Variants in TDRD3 observed in about 807,000 individuals in gnomAD.
TDRD3 encodes tudor domain-containing protein 3.
In TDRD3, 45 loss-of-function variants were observed where a neutral mutation model predicts 86.7. The observed-to-expected ratio is 0.52, with a 90% CI of 0.41 to 0.67. The LOEUF (loss-of-function observed/expected upper bound fraction) is 0.67, where lower values mean the gene tolerates loss of function less well. Ranked by LOEUF, TDRD3 falls within the 30% of genes least tolerant of loss-of-function variation. TDRD3 has a pLI of 0.00. For synonymous variants in TDRD3, 298 were observed against 301.7 expected (o/e 0.99, Z 0.13); for missense variants, 814 against 889.0 (o/e 0.92, Z 1.07).
chr13:60,451,164 G>GT (rs2138009628), intron 3 of TDRD3, among the ~76,000 whole-genome samples: 1 of 152,316 alleles, frequency 6.6e-6, no homozygotes, highest in Admixed American at 6.5e-5. Flanking sequence ...CATTTTAAGA[G>GT]TTTTGGTGGT....
At chr13:60,429,875 C>T (rs1307692216) in intron 1 of TDRD3, among the ~76,000 whole-genome samples, 1 of 151,904 alleles carries the variant, frequency 6.6e-6, no homozygotes, top group Non-Finnish European at 1.5e-5. Context: ...TTTTGAATAT[C>T]ATTATGTTTT....
At chr13:60,475,776 A>G (rs1400486022) in intron 5 of TDRD3, among the ~76,000 whole-genome samples, 3 of 152,084 alleles carry the variant, frequency 2.0e-5, no homozygotes, top group Admixed American at 1.3e-4. Flanking sequence ...TTTGATTTAC[A>G]TTTCTCTAAT....
intron 1 of TDRD3, among the ~76,000 whole-genome samples, chr13:60,405,639 G>T (rs1437907328): frequency 6.6e-6 from 1 of 152,156 alleles, no homozygotes; most frequent in African/African-American, 2.4e-5. Context: ...TGGCTAGAGG[G>T]CAAGACAGAG....
At chr13:60,543,777 T>A (rs1957870241) in intron 12 of TDRD3, among the ~76,000 whole-genome samples, 1 of 152,096 alleles carries the variant, frequency 6.6e-6, no homozygotes, top group Non-Finnish European at 1.5e-5. Context: ...TGAAATTTTG[T>A]CCCTTTTAAG....
chr13:60,441,784 A>G (rs906333573), intron 2 of TDRD3, among the ~76,000 whole-genome samples: 3 of 152,118 alleles, frequency 2.0e-5, no homozygotes, highest in African/African-American at 7.2e-5. Context: ...TTGTTCCTTT[A>G]TCTGACAATG....
intron 3 of TDRD3, among the ~76,000 whole-genome samples, chr13:60,445,549 A>G (rs1955378191): frequency 6.6e-6 from 1 of 152,192 alleles, no homozygotes; most frequent in Non-Finnish European, 1.5e-5. Flanking sequence ...AGTGTGCACC[A>G]GAATTTCCCA....
At chr13:60,428,118 T>C (rs1954856309) in intron 1 of TDRD3, among the ~76,000 whole-genome samples, 1 of 151,888 alleles carries the variant, frequency 6.6e-6, no homozygotes, top group African/African-American at 2.4e-5. Context: ...TCCAGCTTCA[T>C]ATGGCCTTTT....
intron 11 of TDRD3, among the ~76,000 whole-genome samples, chr13:60,529,991 T>A (rs961642988): frequency 6.6e-6 from 1 of 152,174 alleles, no homozygotes; most frequent in Non-Finnish European, 1.5e-5. Context: ...CATGCTCTTC[T>A]ATCAGCTACT....
chr13:60,468,941 C>T (rs1374425000), intron 5 of TDRD3, among the ~76,000 whole-genome samples: 1 of 152,150 alleles, frequency 6.6e-6, no homozygotes, highest in African/African-American at 2.4e-5. Context: ...AAGGCCTAAG[C>T]AATATTTCAA....
At chr13:60,452,909 A>G (rs1434453096) in intron 3 of TDRD3, among the ~76,000 whole-genome samples, 6 of 150,220 alleles carry the variant, frequency 4.0e-5, no homozygotes, top group Non-Finnish European at 5.9e-5. Context: ...TTGCTTCTTG[A>G]TTACTCTTGT....
chr13:60,427,473 A>G (rs900372945), intron 1 of TDRD3, among the ~76,000 whole-genome samples: 3 of 152,016 alleles, frequency 2.0e-5, no homozygotes, highest in Non-Finnish European at 4.4e-5. Flanking sequence ...CCTCTTTTCA[A>G]ATCTTTTGTC....
At chr13:60,507,265 C>T (rs1185578356) in intron 8 of TDRD3, among the ~76,000 whole-genome samples, 1 of 152,018 alleles carries the variant, frequency 6.6e-6, no homozygotes, top group Non-Finnish European at 1.5e-5. Flanking sequence ...ACTTTAACAC[C>T]CCACTGTCAA....
intron 1 of TDRD3, among the ~76,000 whole-genome samples, chr13:60,406,998 G>A (rs1399574474): frequency 6.6e-6 from 1 of 152,052 alleles, no homozygotes; most frequent in Non-Finnish European, 1.5e-5. Context: ...AATTAATAAA[G>A]GTGGATTTTG....
intron 3 of TDRD3, among the ~76,000 whole-genome samples, chr13:60,457,864 T>G (rs969669053): frequency 6.6e-6 from 1 of 152,206 alleles, no homozygotes; most frequent in Non-Finnish European, 1.5e-5. Flanking sequence ...GTCTTTATAC[T>G]CTGTCTGTGT....
intron 1 of TDRD3, among the ~76,000 whole-genome samples, chr13:60,401,181 A>T (rs902466151): frequency 6.6e-6 from 1 of 152,180 alleles, no homozygotes; most frequent in African/African-American, 2.4e-5. Context: ...TTGGCCCTCC[A>T]TATCTGTGGG....
At chr13:60,440,369 A>T (rs982767598) in intron 2 of TDRD3, among the ~76,000 whole-genome samples, 1 of 151,884 alleles carries the variant, frequency 6.6e-6, no homozygotes, top group African/African-American at 2.4e-5. Context: ...AAGAGTTATA[A>T]AAGTTGTTTG....
chr13:60,551,226 G>A (rs186880280), intron 12 of TDRD3, among the ~76,000 whole-genome samples: 28 of 152,188 alleles, frequency 1.8e-4, no homozygotes, highest in Admixed American at 1.7e-3. Flanking sequence ...CATACCTTGG[G>A]AAAGATATAG....
intron 4 of TDRD3, chr13:60,460,780 G>A (rs1407499441): frequency 9.2e-5 from 25 of 273,054 alleles, no homozygotes; most frequent in African/African-American, 1.1e-4. Context: ...CAAGGGGGAC[G>A]GATCACCCAA....
rs35878376 is a variant in TDRD3, at chr13:60,494,820, A to G, written c.858+245A>G. ...TAATAATATATTTTGGAATGGATTG[A>G]TAAAAAGCCATCAAAAGATGATGCA... is the stretch of plus-strand genomic sequence containing the variant. On this transcript the variant is annotated intron_variant, in intron 8 of 13. Coordinates refer to ENST00000377881, the MANE Select transcript of TDRD3 (RefSeq NM_001146070.2). Among the ~76,000 whole-genome samples, 22,901 of 152,220 alleles carry G rather than the reference A, an allele frequency of 0.15. 2,154 individuals are homozygous for G. Among genetic ancestry groups the G allele is most frequent in the South Asian group, 0.28 (1,348 of 4,820 alleles).
Sources: gnomAD v4.1 joint callset for allele counts (sites outside exome capture counted in the v4.1 genomes callset) on GRCh38, gnomAD v4.1.1 for gene constraint, MANE v1.5 for transcripts, NCBI Gene and HGNC (gene_info 2026-07-23, HGNC 2026-07-21) for gene names.